Variants in PTCH1 observed in about 807,000 individuals in gnomAD.
The protein encoded by PTCH1 is protein patched homolog 1.
Under a neutral mutation model 144.6 loss-of-function variants are expected in PTCH1, and 14 were observed. The ratio of observed to expected loss-of-function variants is 0.10; its 90% CI spans 0.06 to 0.15. The LOEUF is 0.15. PTCH1 is among the 10% of genes least tolerant of loss of function. The pLI, the probability that PTCH1 is intolerant of heterozygous loss-of-function variation, is 1.00. For missense variants in PTCH1, 1,623 were observed against 1,948.3 expected, an observed-to-expected ratio of 0.83 and a Z score of 3.14; for synonymous variants, 833 against 793.6, an observed-to-expected ratio of 1.05 and a Z score of -0.83.
chr9:95,446,462 A>G, intron 23 of PTCH1, 71 bp from the exon 24 acceptor site: 1 of 511,272 alleles, frequency 2.0e-6, no homozygotes, highest in South Asian at 1.4e-5. Flanking sequence ...TAAAGTACAA[A>G]AGCAGGCAGC....
chr9:95,460,681 T>C (rs1157830744), intron 16 of PTCH1, among the ~76,000 whole-genome samples: 1 of 152,194 alleles, frequency 6.6e-6, no homozygotes, highest in Non-Finnish European at 1.5e-5. Context: ...CTGCATGTCC[T>C]CAACACATCC....
At chr9:95,516,140 C>T (rs1416946563) in intron 1 of PTCH1, among the ~76,000 whole-genome samples, 2 of 151,728 alleles carry the variant, frequency 1.3e-5, no homozygotes, top group Non-Finnish European at 2.9e-5. Flanking sequence ...CCGGCGACCC[C>T]CTCCGTGAGA....
At position 95,446,924 on chromosome 9, in the gene PTCH1, G is replaced by A. The variant is rs1325469372; in HGVS notation, c.4332C>T (p.Ser1444=). Residue 1444 remains serine (S), a synonymous_variant, in exon 23 of 24, where the codon AGC becomes AGT. Coordinates refer to ENST00000331920, the MANE Select transcript of PTCH1 (RefSeq NM_000264.5). ...AGTGGCACTCACCTCAGTTGGAGCT[G>A]CTTCCCCGGGGCCTCTCCTCGCATT... The part of the protein sequence containing the change: ...DVECEERPRG[S]SSN 6.2e-7 allele frequency: 1 copy of A among 1,614,030 alleles called. No homozygotes were observed. The highest frequency in any genetic ancestry group is 1.3e-5 in the African/African-American group (1 of 75,042).
intron 2 of PTCH1, among the ~76,000 whole-genome samples, chr9:95,500,175 G>A (rs1843056907): frequency 6.6e-6 from 1 of 152,062 alleles, no homozygotes; most frequent in Admixed American, 6.6e-5. Context: ...TCATCTTCTG[G>A]AACCTCTGAG....
chr9:95,446,605 ATG>A, intron 23 of PTCH1: 2 of 500,404 alleles, frequency 4.0e-6, no homozygotes, highest in Non-Finnish European at 3.7e-6. Context: ...TCGCTGTGGC[ATG>A]CACCTCCATA....
chr9:95,516,578 T>G, exon 1 of PTCH1: 1 of 1,574,310 alleles, frequency 6.4e-7, no homozygotes, highest in Non-Finnish European at 8.6e-7. Context: ...TTCCTCGTCC[T>G]CCGCTCCTCC....
At chr9:95,493,901 C>A (rs1842611355) in intron 2 of PTCH1, among the ~76,000 whole-genome samples, 1 of 152,140 alleles carries the variant, frequency 6.6e-6, no homozygotes, top group African/African-American at 2.4e-5. Flanking sequence ...CAGGAGGAGC[C>A]AACCGCTGTC....
chr9:95,493,139 C>A (rs1055342887), intron 2 of PTCH1, among the ~76,000 whole-genome samples: 3 of 152,152 alleles, frequency 2.0e-5, no homozygotes, highest in African/African-American at 7.2e-5. Context: ...GCCAGCTGAC[C>A]CAGAGGCCCA....
intron 2 of PTCH1, among the ~76,000 whole-genome samples, chr9:95,498,558 C>T (rs1191017898): frequency 6.6e-6 from 1 of 152,102 alleles, no homozygotes; most frequent in Non-Finnish European, 1.5e-5. Context: ...TCCTAAAATC[C>T]TCCACCACAG....
At chr9:95,510,042 T>C (rs1474721765), upstream of PTCH1, among the ~76,000 whole-genome samples, 1 of 150,122 alleles carries the variant, frequency 6.7e-6, no homozygotes, top group African/African-American at 2.4e-5. Flanking sequence ...AAGGAGTCAG[T>C]GTTCTATAAA....
chr9:95,482,929 G>A (rs573877866), intron 3 of PTCH1: 6 of 152,508 alleles, frequency 3.9e-5, no homozygotes, highest in African/African-American at 1.4e-4. Context: ...TGAAATGAAT[G>A]AATGAATAAA....
rs142791675 is a variant in PTCH1 at position 95,477,699 on chromosome 9, C to T, written c.1351G>A (p.Ala451Thr). 2.0e-5 allele frequency: 33 copies of T among 1,613,932 alleles called. No individual in the cohort carries two copies. The highest frequency in any genetic ancestry group is 2.5e-5 in the Non-Finnish European group (30 of 1,180,012). The change falls in exon 10 of 24, where the codon GCC (alanine) becomes ACC (threonine). Residue 451 changes from alanine to threonine, a missense_variant. This residue lies in a region of PTCH1 where 135 missense variants were observed against 228.7 expected (regional missense o/e 0.59). Coordinates refer to ENST00000331920, the MANE Select transcript of PTCH1 (RefSeq NM_000264.5). ...CGCAGCATGGTTAGACAGGCATAGG[C>T]GAGCTGCAAGCAGAACAATGGGGGC... is the stretch of plus-strand genomic sequence containing the variant. ...RVASGYLLML[A>T]YACLTMLRWD...
Position 95,516,664 on chromosome 9 carries a change from C to G in PTCH1, c.-193G>C, listed in dbSNP as rs185570125. 79 of 1,611,148 alleles carry G rather than the reference C, an allele frequency of 4.9e-5. No individual in the cohort carries two copies. The Middle Eastern group carries it at 6.6e-4, about 13-fold the overall frequency. On this transcript the variant is annotated 5_prime_UTR_variant, in exon 1 of 23. Transcript: ENST00000430669. ...TCTTTGTCTCCCCTGTCGTCTTTTT[C>G]TTCTCCTCCGTTTTCTTCTTCTTCT...
intron 2 of PTCH1, among the ~76,000 whole-genome samples, chr9:95,501,864 G>A (rs78257931): frequency 0.01 from 1,529 of 152,260 alleles, 22 homozygotes; most frequent in African/African-American, 0.035. Context: ...CAAAGAAACA[G>A]GCAAGATTAA....
At chr9:95,451,667 G>A (rs183527080) in intron 20 of PTCH1, 1 of 152,316 alleles carries the variant, frequency 6.6e-6, no homozygotes, top group Admixed American at 6.5e-5. Context: ...GAGGGATATG[G>A]GGGTCCCCAT....
chr9:95,444,063 G>C lies in PTCH1; in HGVS notation c.*2330C>G, dbSNP rs1032386021. Reference sequence around the variant, plus strand: ...AAACTGGCATGACAAATACTGTAGAGGAAAACATTCTTATGATACAAAATT... The same window carrying C: ...AAACTGGCATGACAAATACTGTAGACGAAAACATTCTTATGATACAAAATT... On this transcript the variant is annotated 3_prime_UTR_variant, in exon 24 of 24. Transcript: ENST00000331920. 2 of 150,738 alleles carry C rather than the reference G, an allele frequency of 1.3e-5. No homozygotes were observed. The highest frequency in any genetic ancestry group is 4.9e-5 in the African/African-American group (2 of 40,972). 9.3% of individuals were successfully genotyped at this position (150,738 alleles called of 1,614,324 possible). A position where few individuals can be genotyped will look rare whatever the true frequency, so the allele number is the denominator to read the frequency against.
At position 95,467,391 on chromosome 9, in the gene PTCH1, C is replaced by T. The variant is rs1840110120; in HGVS notation, c.2285G>A (p.Gly762Glu). 1 of 1,614,130 alleles carries T rather than the reference C, an allele frequency of 6.2e-7. No individual in the cohort carries two copies. Among genetic ancestry groups the T allele is most frequent in the Non-Finnish European group, 8.5e-7 (1 of 1,180,018 alleles). The change falls in exon 15 of 24, where the codon GGG (glycine) becomes GAG (glutamate). Residue 762 changes from glycine to glutamate, a missense_variant. By Grantham distance (98) the Gly-to-Glu change is moderately conservative. Coordinates refer to ENST00000331920, the MANE Select transcript of PTCH1 (RefSeq NM_000264.5). ...VVIFLFLGLL[G>E]VSLYGTTRVR... is the part of the protein sequence containing the mutation. ...TCGGGTGGTGCCATAAAGGCTGACCCCCAGCAAGCCCAGAAAAAGGAAGAT... is the reference window on the plus strand; with the variant it reads ...TCGGGTGGTGCCATAAAGGCTGACCTCCAGCAAGCCCAGAAAAAGGAAGAT...
At chr9:95,483,462 G>A (rs1033505630) in intron 3 of PTCH1, 2 of 150,482 alleles carry the variant, frequency 1.3e-5, no homozygotes, top group African/African-American at 4.9e-5. Flanking sequence ...CCTCCCAACT[G>A]CTCTATTCTT....
chr9:95,482,748 T>C (rs1487328171), intron 3 of PTCH1: 1 of 173,230 alleles, frequency 5.8e-6, no homozygotes, highest in Non-Finnish European at 1.2e-5. Context: ...ATTCCTATCT[T>C]ACAGAAATGT....
Sources: allele counts gnomAD v4.1 joint callset (sites outside exome capture counted in the v4.1 genomes callset), GRCh38; gene constraint gnomAD v4.1.1; regional missense constraint gnomAD v4.1.1; transcripts MANE v1.5; gene names NCBI Gene and HGNC (gene_info 2026-07-23, HGNC 2026-07-21).